The following VPS41 variants were observed in gnomAD, a reference collection of about 807,000 sequenced individuals.
The protein encoded by VPS41 is VPS41 subunit of HOPS complex.
A neutral mutation model predicts 130.9 loss-of-function variants in VPS41; 85 were observed. The ratio of observed to expected loss-of-function variants is 0.65; its 90% CI spans 0.55 to 0.78. The LOEUF (loss-of-function observed/expected upper bound fraction) is 0.78. Among genes scored for constraint, VPS41 ranks in the 30% least tolerant of loss-of-function variants. The pLI, the probability that VPS41 is intolerant of heterozygous loss-of-function variation, is 0.00. For synonymous variants in VPS41, 335 were observed against 332.9 expected, an observed-to-expected ratio of 1.01 and a Z score of -0.07; for missense variants, 874 against 1,018.7, an observed-to-expected ratio of 0.86 and a Z score of 1.93.
At chr7:38,861,002 T>C (rs1455178692) in intron 4 of VPS41, among the ~76,000 whole-genome samples, 5 of 152,062 alleles carry the variant, frequency 3.3e-5, no homozygotes, top group Non-Finnish European at 1.5e-5. Flanking sequence ...AAAGATGTCA[T>C]ATAGTCAGGA....
chr7:38,863,912 T>C (rs1447153157), intron 3 of VPS41, among the ~76,000 whole-genome samples: 3 of 152,182 alleles, frequency 2.0e-5, no homozygotes, highest in African/African-American at 7.2e-5. Context: ...TCTGAATAGT[T>C]AAACCAAACA....
At chr7:38,890,820 T>G (rs375675783) in intron 2 of VPS41, among the ~76,000 whole-genome samples, 2 of 152,050 alleles carry the variant, frequency 1.3e-5, no homozygotes, top group East Asian at 1.9e-4. Flanking sequence ...CAAGTAACCA[T>G]GTCTACAGGC....
intron 25 of VPS41, among the ~76,000 whole-genome samples, chr7:38,733,928 T>TA (rs1408891466): frequency 6.6e-6 from 1 of 151,468 alleles, no homozygotes; most frequent in Non-Finnish European, 1.5e-5. Flanking sequence ...AGAATTAAAA[T>TA]AAAAAAAATT....
chr7:38,794,930 C>A (rs1484747586), intron 9 of VPS41, among the ~76,000 whole-genome samples: 1 of 152,104 alleles, frequency 6.6e-6, no homozygotes, highest in African/African-American at 2.4e-5. Context: ...ATTTCATTTA[C>A]CCAGGCGCAT....
rs180773000 is a variant in VPS41 at position 38,738,296 on chromosome 7, T to C, written c.2259+3689A>G. On this transcript the variant is annotated intron_variant, in intron 25 of 28. Coordinates refer to ENST00000310301, the MANE Select transcript of VPS41 (RefSeq NM_014396.4). ...TCACTGATTTAAAAAAGGCATGAGA[T>C]TTAGTCAGAGGATCTGTGATCTGTG... 1.5e-3 allele frequency among the ~76,000 whole-genome samples: 234 copies of C among 152,302 alleles called. 1 individual carries two copies. The highest frequency in any genetic ancestry group is 1.3e-3 in the Non-Finnish European group (86 of 68,028).
intron 4 of VPS41, among the ~76,000 whole-genome samples, chr7:38,857,249 C>T (rs1167714800): frequency 2.0e-5 from 3 of 152,172 alleles, no homozygotes; most frequent in Admixed American, 6.5e-5. Flanking sequence ...TATCTTAACA[C>T]AAAATGGCCA....
chr7:38,772,491 A>G (rs1377178807), intron 13 of VPS41, 31 bp downstream of exon 13: 1 of 1,404,616 alleles, frequency 7.1e-7, no homozygotes, highest in Admixed American at 1.7e-5. Context: ...TAGATGAGTC[A>G]ATACTTTCAA....
chr7:38,859,091 T>C (rs1471794541), intron 4 of VPS41, among the ~76,000 whole-genome samples: 1 of 152,034 alleles, frequency 6.6e-6, no homozygotes, highest in Non-Finnish European at 1.5e-5. Flanking sequence ...ATCTTCATTT[T>C]TAACAAAAAG....
intron 6 of VPS41, among the ~76,000 whole-genome samples, chr7:38,820,078 C>T (rs901681468): frequency 2.0e-5 from 3 of 152,128 alleles, no homozygotes; most frequent in African/African-American, 4.8e-5. Context: ...ATCCCCAAAG[C>T]GAGAACCTGA....
chr7:38,884,973 A>T (rs1363181244), intron 2 of VPS41, among the ~76,000 whole-genome samples: 3 of 142,574 alleles, frequency 2.1e-5, no homozygotes, highest in Non-Finnish European at 4.5e-5. Flanking sequence ...TTACATTGCA[A>T]AGTTCTTTGT....
chr7:38,856,325 C>A (rs1289224077), intron 4 of VPS41, among the ~76,000 whole-genome samples: 1 of 152,006 alleles, frequency 6.6e-6, no homozygotes, highest in Non-Finnish European at 1.5e-5. Context: ...TTTAATTACC[C>A]CCCAAGTCCC....
intron 2 of VPS41, among the ~76,000 whole-genome samples, chr7:38,879,586 C>A (rs111413218): frequency 3.3e-5 from 5 of 152,046 alleles, no homozygotes; most frequent in Middle Eastern, 3.4e-3. Context: ...GACAATTTTT[C>A]CACCAGGGTG....
intron 1 of VPS41, among the ~76,000 whole-genome samples, chr7:38,903,539 C>A (rs1426428496): frequency 2.0e-5 from 3 of 152,178 alleles, no homozygotes; most frequent in African/African-American, 7.2e-5. Flanking sequence ...AGAGACCAGG[C>A]TCCAAGAAAT....
chr7:38,894,176 G>A (rs1358260826), intron 2 of VPS41, among the ~76,000 whole-genome samples: 1 of 152,196 alleles, frequency 6.6e-6, no homozygotes, highest in East Asian at 1.9e-4. Context: ...AGATGATAGA[G>A]AACGAAGAGA....
At chr7:38,848,434 A>C (rs1785774615) in intron 4 of VPS41, among the ~76,000 whole-genome samples, 1 of 151,942 alleles carries the variant, frequency 6.6e-6, no homozygotes, top group African/African-American at 2.4e-5. Flanking sequence ...CCTCCCTTTC[A>C]GTTTGCCTAC....
intron 5 of VPS41, among the ~76,000 whole-genome samples, chr7:38,825,587 T>C (rs73121384): frequency 0.079 from 12,013 of 152,076 alleles, 590 homozygotes; most frequent in African/African-American, 0.13. Context: ...GAGGACCCTT[T>C]TGAAAACGGT....
At chr7:38,907,652 C>T (rs1787297192) in intron 1 of VPS41, among the ~76,000 whole-genome samples, 1 of 152,114 alleles carries the variant, frequency 6.6e-6, no homozygotes. Flanking sequence ...TTATATCAGA[C>T]AACTTTGTTA....
At chr7:38,774,323 A>C in intron 11 of VPS41, 79 bp from the exon 12 acceptor site, 2 of 1,333,250 alleles carry the variant, frequency 1.5e-6, no homozygotes, top group Non-Finnish European at 2.0e-6. Flanking sequence ...TTAGCCATAC[A>C]TATTAGTTTC....
At position 38,724,992 on chromosome 7, in the gene VPS41, T is replaced by C. The variant is rs1795510459; in HGVS notation, c.*1254A>G. 6.6e-6 allele frequency: 1 copy of C among 152,226 alleles called. No individual in the cohort carries two copies. 9.4% of individuals were successfully genotyped at this position (152,226 alleles called of 1,614,324 possible). A position where few individuals can be genotyped will look rare whatever the true frequency, so the allele number is the denominator to read the frequency against. On this transcript the variant is annotated 3_prime_UTR_variant, in exon 29 of 29. Coordinates refer to ENST00000310301, the MANE Select transcript of VPS41 (RefSeq NM_014396.4). ...CTCTACATTTTGCTTTCTTTATCTG[T>C]AAACCTAGGTTTATCAGATCTTCTT...
Sources: gnomAD v4.1 joint callset for allele counts (sites outside exome capture counted in the v4.1 genomes callset) on GRCh38, gnomAD v4.1.1 for gene constraint, MANE v1.5 for transcripts, NCBI Gene and HGNC (gene_info 2026-07-23, HGNC 2026-07-21) for gene names.